The following ROCK2 variants were observed in gnomAD, a reference collection of about 807,000 sequenced individuals.
The protein encoded by ROCK2 is Rho associated coiled-coil containing protein kinase 2, also known as rho-associated protein kinase 2.
In ROCK2, 61 loss-of-function variants were observed where a neutral mutation model predicts 195.1. That is an observed-to-expected ratio of 0.31 (90% confidence interval 0.25 to 0.39). ROCK2 has a LOEUF of 0.39. Ranked by LOEUF, ROCK2 falls within the 10% of genes least tolerant of loss-of-function variation. The pLI, the probability that ROCK2 is intolerant of heterozygous loss-of-function variation, is 1.00. For synonymous variants in ROCK2, 504 were observed against 545.5 expected, an observed-to-expected ratio of 0.92 and a Z score of 1.06; for missense variants, 1,109 against 1,637.4, an observed-to-expected ratio of 0.68 and a Z score of 5.57.
At chr2:11,300,678 T>C (rs1007156310) in intron 1 of ROCK2, among the ~76,000 whole-genome samples, 1 of 152,186 alleles carries the variant, frequency 6.6e-6, no homozygotes, top group Admixed American at 6.5e-5. Flanking sequence ...TCAACAAAAA[T>C]CTAGACTTTA....
At chr2:11,249,547 A>T (rs1419949834) in intron 4 of ROCK2, 114 bp downstream of exon 4, 5 of 767,350 alleles carry the variant, frequency 6.5e-6, no homozygotes, top group African/African-American at 3.6e-5. Context: ...CCTAAAAATA[A>T]CTGCACTGTT....
intron 3 of ROCK2, among the ~76,000 whole-genome samples, chr2:11,282,607 C>CAAAAAA (rs70953381): frequency 0.014 from 1,708 of 123,210 alleles, 56 homozygotes; most frequent in East Asian, 0.089. Flanking sequence ...TATCTACATG[C>CAAAAAA]AAAAAAAAAA....
chr2:11,317,779 C>A (rs1668270368), intron 1 of ROCK2, among the ~76,000 whole-genome samples: 1 of 150,424 alleles, frequency 6.6e-6, no homozygotes, highest in African/African-American at 2.4e-5. Flanking sequence ...CCCAACCCCA[C>A]AACAGGCCCC....
At chr2:11,301,388 A>G (rs1255039221) in intron 1 of ROCK2, among the ~76,000 whole-genome samples, 1 of 152,116 alleles carries the variant, frequency 6.6e-6, no homozygotes, top group African/African-American at 2.4e-5. Flanking sequence ...TCTATATTCC[A>G]GTCATAGTGT....
chr2:11,205,411 T>A (rs1664013484), intron 20 of ROCK2, among the ~76,000 whole-genome samples: 2 of 152,188 alleles, frequency 1.3e-5, no homozygotes, highest in African/African-American at 4.8e-5. Flanking sequence ...CTAACTGCCA[T>A]CTCATTCACT....
rs143653632 is a variant in ROCK2, at chr2:11,312,522, T to C, written c.142-24786A>G. 2.3e-3 allele frequency among the ~76,000 whole-genome samples: 353 copies of C among 152,270 alleles called. 1 individual carries two copies. Among genetic ancestry groups the C allele is most frequent in the Admixed American group, 3.9e-3 (60 of 15,290 alleles). On this transcript the variant is annotated intron_variant, in intron 1 of 32. Transcript: ENST00000315872. ...TAAATTACTTTGAAGTTTATATAAT[T>C]AATGTAAATGAAATCAAATAGTATG...
rs767418200 is a variant in ROCK2 at position 11,235,795 on chromosome 2, T to C, written c.630A>G (p.Leu210=). 4 of 1,614,034 alleles carry C rather than the reference T, an allele frequency of 2.5e-6. No individual in the cohort carries two copies. Among genetic ancestry groups the C allele is most frequent in the Non-Finnish European group, 1.7e-6 (2 of 1,179,950 alleles). The change falls in exon 5 of 33, where the codon TTA becomes TTG. Residue 210 remains leucine, a synonymous_variant. Transcript: ENST00000315872. The surrounding 1 kb of genome is among the most constrained non-coding windows in gnomAD (Gnocchi z 4.2). ...LALDAIHSMG[L]IHRDVKPDNM... ...TGTCAGGCTTCACATCTCTGTGTATTAAACCCATGGAGTGTATTGCATCCA... is the reference window on the plus strand; with the variant it reads ...TGTCAGGCTTCACATCTCTGTGTATCAAACCCATGGAGTGTATTGCATCCA...
chr2:11,216,805 A>G (rs1310139223), intron 12 of ROCK2, among the ~76,000 whole-genome samples: 1 of 151,980 alleles, frequency 6.6e-6, no homozygotes, highest in Non-Finnish European at 1.5e-5. Flanking sequence ...GCTCACTGCA[A>G]CCTCTGCCTC....
intron 1 of ROCK2, among the ~76,000 whole-genome samples, chr2:11,323,713 T>A (rs2148252149): frequency 1.3e-5 from 2 of 152,244 alleles, no homozygotes; most frequent in South Asian, 4.1e-4. Flanking sequence ...GAGGTTCACA[T>A]CAAAACTGAA....
intron 1 of ROCK2, among the ~76,000 whole-genome samples, chr2:11,318,105 T>C (rs1380723628): frequency 6.6e-6 from 1 of 152,304 alleles, no homozygotes; most frequent in African/African-American, 2.4e-5. Context: ...CAGCATGATG[T>C]ATAATCCTTT....
chr2:11,333,256 A>G (rs1668823068), intron 1 of ROCK2, among the ~76,000 whole-genome samples: 1 of 152,226 alleles, frequency 6.6e-6, no homozygotes, highest in African/African-American at 2.4e-5. Context: ...CTCAACCACC[A>G]GACTTTTATT....
chr2:11,345,144 T>G (rs1572438316), upstream of ROCK2, among the ~76,000 whole-genome samples: 1 of 151,688 alleles, frequency 6.6e-6, no homozygotes, highest in African/African-American at 2.4e-5. Flanking sequence ...GGGCCGGGGG[T>G]TTCGAGGCGA....
rs185902061 is a variant in ROCK2 at position 11,255,815 on chromosome 2, G to C, written c.325-6017C>G. Among the ~76,000 whole-genome samples, 1,076 of 149,914 alleles carry C rather than the reference G, an allele frequency of 7.2e-3. 60 individuals carry two copies. The highest frequency in any genetic ancestry group is 0.026 in the African/African-American group (1,025 of 39,782). ...TGTGCCTGTAATCTCAGCTACTCGG[G>C]AGGCTGAGGCAGGGGAATTGCTTAA... is the stretch of plus-strand genomic sequence containing the variant. On this transcript the variant is annotated intron_variant, in intron 3 of 32. Coordinates refer to ENST00000315872, the MANE Select transcript of ROCK2 (RefSeq NM_004850.5).
At chr2:11,205,043 AGAT>A (rs938481949) in intron 20 of ROCK2, among the ~76,000 whole-genome samples, 1 of 152,206 alleles carries the variant, frequency 6.6e-6, no homozygotes, top group African/African-American at 2.4e-5. Context: ...CTTCAGTTTA[AGAT>A]GAGAGGCTTT....
intron 9 of ROCK2, among the ~76,000 whole-genome samples, chr2:11,220,269 C>T (rs1664590019): frequency 6.6e-6 from 1 of 152,108 alleles, no homozygotes; most frequent in Non-Finnish European, 1.5e-5. Context: ...CTGCCCACCT[C>T]AGCCTCCAAA....
In ROCK2 at chr2:11,182,118, C is replaced by T. The variant is rs745983460; in HGVS notation, c.*1319G>A. ...ATGAGAATACGGCAAGAATGTCCTG[C>T]GTAAACTGTAACTTTGACAGCATTT... On this transcript the variant is annotated 3_prime_UTR_variant, in exon 33 of 33. Transcript: ENST00000315872. 3 of 152,114 alleles carry T rather than the reference C, an allele frequency of 2.0e-5. No homozygotes were observed. Among genetic ancestry groups the T allele is most frequent in the Non-Finnish European group, 2.9e-5 (2 of 67,986 alleles). 9.4% of individuals were successfully genotyped at this position (152,114 alleles called of 1,614,324 possible).
chr2:11,188,927 C>T (rs58263533), intron 32 of ROCK2, among the ~76,000 whole-genome samples: 73,378 of 151,442 alleles, frequency 0.48, 18,887 homozygotes, highest in Admixed American at 0.56. Context: ...TCCCAACTAC[C>T]CAGAAGGCTG....
intron 3 of ROCK2, among the ~76,000 whole-genome samples, chr2:11,256,661 A>G (rs965751625): frequency 6.6e-6 from 1 of 151,182 alleles, no homozygotes; most frequent in Non-Finnish European, 1.5e-5. Flanking sequence ...AAGATCTACC[A>G]TGCAAACTGC....
At chr2:11,307,947 C>T (rs1395277912) in intron 1 of ROCK2, 29 of 1,447,400 alleles carry the variant, frequency 2.0e-5, no homozygotes, top group Non-Finnish European at 2.4e-5. Context: ...AATGTCAGGG[C>T]CAGGCCTGGG....
Sources: gnomAD v4.1 joint callset for allele counts (sites outside exome capture counted in the v4.1 genomes callset) on GRCh38, gnomAD v4.1.1 for gene constraint, Gnocchi (gnomAD v3.1) non-coding constraint, MANE v1.5 for transcripts, NCBI Gene and HGNC (gene_info 2026-07-23, HGNC 2026-07-21) for gene names.